The following TBXT variants were observed in gnomAD, a reference collection of about 807,000 sequenced individuals.
TBXT encodes the protein T brachyury transcription factor.
Under a neutral mutation model 41.1 loss-of-function variants are expected in TBXT, and 19 were observed. The observed-to-expected ratio is 0.46, with a 90% CI of 0.32 to 0.68. TBXT has a LOEUF of 0.68. TBXT is among the 30% of genes least tolerant of loss of function. The pLI is 0.03. For missense variants in TBXT, 536 were observed against 582.0 expected (o/e 0.92, Z 0.81); for synonymous variants, 213 against 238.9 (o/e 0.89, Z 1.00).
intron 6 of TBXT, 32 bp downstream of exon 6, chr6:166,162,415 C>A: frequency 6.2e-7 from 1 of 1,613,760 alleles, no homozygotes. Flanking sequence ...AGCCACCCAC[C>A]AACCCCTGGC....
Position 166,165,784 on chromosome 6 carries a change from C to T in TBXT, c.528G>A (p.Gly176=). Residue 176 remains glycine (G), a synonymous_variant, in exon 3 of 8, where the codon GGG becomes GGA. Transcript: ENST00000366876. ...YEPRIHIVRV[G]GPQRMITSHC... is the part of the protein sequence containing the mutation. ...GGCTGGTGATCATGCGCTGTGGACC[C>T]CCAACTCTCACTATGTGGATTCGAG... 6.2e-7 allele frequency: 1 copy of T among 1,614,134 alleles called. No homozygotes were observed. Among genetic ancestry groups the T allele is most frequent in the Middle Eastern group, 1.7e-4 (1 of 6,058 alleles).
chr6:166,165,341 C>CA (rs1246933969), intron 3 of TBXT, among the ~76,000 whole-genome samples: 1 of 152,034 alleles, frequency 6.6e-6, no homozygotes. Flanking sequence ...GGGTTGCCCC[C>CA]CCACCCTTTG....
intron 3 of TBXT, 77 bp downstream of exon 3, chr6:166,165,629 G>C (rs558420166): frequency 5.0e-6 from 8 of 1,609,820 alleles, no homozygotes; most frequent in Non-Finnish European, 6.8e-6. Context: ...GCGTCTCCCC[G>C]CTCCTCCAGA....
rs768845167 is a variant in TBXT, at chr6:166,162,495, G to A, written c.859C>T (p.Arg287Trp). The change falls in exon 6 of 8, where the codon CGG (arginine) becomes TGG (tryptophan). Residue 287 changes from arginine (R) to tryptophan (W), a missense_variant. By Grantham distance (101) the Arg-to-Trp change is moderately radical (BLOSUM62 -3). Coordinates refer to ENST00000366876, the MANE Select transcript of TBXT (RefSeq NM_001366285.2). ...CDRYPTLRSHRSSPYPSPYAH... is the reference protein window; with the variant it reads ...CDRYPTLRSHWSSPYPSPYAH... The stretch of plus-strand genomic sequence containing the variant: ...TAGGGGCTGGGGTAGGGTGAGGACC[G>A]GTGGCTCCTCAGGGTTGGGTACCTG... 26 of 1,614,044 alleles carry A rather than the reference G, an allele frequency of 1.6e-5. No individual in the cohort carries two copies. Among genetic ancestry groups the A allele is most frequent in the Middle Eastern group, 1.6e-4 (1 of 6,084 alleles).
rs1321547376 is a variant in TBXT at position 166,158,440 on chromosome 6, A to G, written c.1186T>C (p.Ser396Pro). Residue 396 changes from serine to proline, a missense_variant, in exon 8 of 8, where the codon TCC becomes CCC. Coordinates refer to ENST00000366876, the MANE Select transcript of TBXT (RefSeq NM_001366285.2). ...CCTTCGTACAGTGGGGATCCCGAGG[A>G]AGAGGGCGCCGAGACCGGATGGGTG... Reference protein sequence around the residue: ...PLTHPVSAPSSSGSPLYEGAA... With the variant: ...PLTHPVSAPSPSGSPLYEGAA... 6.2e-7 allele frequency: 1 copy of G among 1,614,026 alleles called. No homozygotes were observed. The highest frequency in any genetic ancestry group is 8.5e-7 in the Non-Finnish European group (1 of 1,180,020).
At chr6:166,161,053 C>A in intron 6 of TBXT, 87 bp from the exon 7 acceptor site, 1 of 1,535,306 alleles carries the variant, frequency 6.5e-7, no homozygotes, top group Non-Finnish European at 9.0e-7. Flanking sequence ...ATAACTGAAG[C>A]TACGTAACAC....
chr6:166,167,839 A>G lies in TBXT; in HGVS notation c.-248T>C. 6.9e-6 allele frequency: 4 copies of G among 582,002 alleles called. No homozygotes were observed. In the South Asian group the frequency reaches 8.0e-5, roughly 12 times the overall value. 36.1% of individuals were successfully genotyped at this position (582,002 alleles called of 1,614,324 possible). ...CACTTGAACTCCCCAAGGCTCTACT[A>G]GTGTAGGTCTCTGGGGACCGAAATT... is the stretch of plus-strand genomic sequence containing the variant. On this transcript the variant is annotated 5_prime_UTR_variant, in exon 1 of 8. Coordinates refer to ENST00000366876, the MANE Select transcript of TBXT (RefSeq NM_001366285.2).
At chr6:166,161,111 A>G in intron 6 of TBXT, 145 bp from the exon 7 acceptor site, 3 of 1,139,580 alleles carry the variant, frequency 2.6e-6, no homozygotes, top group Non-Finnish European at 3.8e-6. Context: ...ACAATCCATT[A>G]GTCTATTTAC....
chr6:166,168,171 T>TGCCCCAGCCC (rs1219189929), upstream of TBXT, among the ~76,000 whole-genome samples: 58 of 134,870 alleles, frequency 4.3e-4, no homozygotes, highest in East Asian at 3.7e-3. Flanking sequence ...CGCCCCGGCC[T>TGCCCCAGCCC]GCCCCAGCCC....
rs1778849539 is a variant in TBXT, at chr6:166,158,404, C to G, written c.1222G>C (p.Ala408Pro). ...GSPLYEGAAA[A>P]TDIVDSQYDA... Reference sequence around the variant, plus strand: ...TACTGGCTGTCCACGATGTCTGTGGCCGCGGCCGCCCCTTCGTACAGTGGG... The same window carrying G: ...TACTGGCTGTCCACGATGTCTGTGGGCGCGGCCGCCCCTTCGTACAGTGGG... Residue 408 changes from alanine to proline, a missense_variant, in exon 8 of 8, where the codon GCC becomes CCC. Ala to Pro is a conservative substitution (Grantham distance 27). Transcript: ENST00000366876. The G allele has an allele frequency of 6.2e-7, 1 of 1,614,082 alleles. No homozygotes were observed. Among genetic ancestry groups the G allele is most frequent in the Non-Finnish European group, 8.5e-7 (1 of 1,180,046 alleles).
rs1779159762 is a variant in TBXT, at chr6:166,167,488, C to T, written c.104G>A (p.Gly35Asp). 3 of 1,610,792 alleles carry T rather than the reference C, an allele frequency of 1.9e-6. No homozygotes were observed. Among genetic ancestry groups the T allele is most frequent in the South Asian group, 1.1e-5 (1 of 91,058 alleles). The change falls in exon 1 of 8, where the codon GGC becomes GAC. Residue 35 changes from glycine to aspartate, a missense_variant. Gly to Asp is a moderately conservative substitution (Grantham distance 94, BLOSUM62 -1). Transcript: ENST00000366876. Reference protein sequence around the residue: ...ENELQAGSEKGDPTERELRVG... With the variant: ...ENELQAGSEKDDPTERELRVG... ...GCGCAGTTCGCGCTCTGTGGGGTCG[C>T]CCTTCTCGCTGCCCGCCTGCAGCTC...
rs1462255044 is a variant in TBXT at position 166,158,234 on chromosome 6, G to T, written c.*81C>A. The T allele has an allele frequency of 6.2e-7, 1 of 1,604,806 alleles. No homozygotes were observed. The highest frequency in any genetic ancestry group is 2.2e-5 in the East Asian group (1 of 44,856). On this transcript the variant is annotated 3_prime_UTR_variant, in exon 8 of 8. Coordinates refer to ENST00000366876, the MANE Select transcript of TBXT (RefSeq NM_001366285.2). ...CTTCTTAACCTGAGACTGCCACTGG[G>T]TACCTAGTAGGTCAATCCAGTCACC...
intron 7 of TBXT, 95 bp from the exon 8 acceptor site, chr6:166,158,683 T>C: frequency 7.4e-7 from 1 of 1,352,920 alleles, no homozygotes. Flanking sequence ...TCGGAGTGAC[T>C]GTGTAATATG....
At chr6:166,165,104 A>G (rs1482131662) in intron 3 of TBXT, among the ~76,000 whole-genome samples, 1 of 152,226 alleles carries the variant, frequency 6.6e-6, no homozygotes, top group South Asian at 2.1e-4. Context: ...TTAACCTACT[A>G]CTAACAATGT....
At chr6:166,165,940 G>GA (rs1353332138) in intron 2 of TBXT, 100 bp from the exon 3 acceptor site, 2 of 1,565,570 alleles carry the variant, frequency 1.3e-6, no homozygotes, top group Non-Finnish European at 1.7e-6. Context: ...TGGATCCCAA[G>GA]AAAGTGTCTC....
intron 2 of TBXT, 90 bp downstream of exon 2, chr6:166,166,502 A>T (rs942335891): frequency 1.3e-6 from 2 of 1,599,630 alleles, no homozygotes; most frequent in Non-Finnish European, 1.7e-6. Flanking sequence ...CTCCCGTTCA[A>T]GCAGCGTCCC....
At position 166,167,582 on chromosome 6, in the gene TBXT, G is replaced by C. The variant is rs1283158104; in HGVS notation, c.10C>G (p.Pro4Ala). Residue 4 changes from proline (P) to alanine (A), a missense_variant, in exon 1 of 8, where the codon CCT becomes GCT. Transcript: ENST00000366876. ...CTCTTTCCCGCGCTCTCGGTGCCAG[G>C]GGAGCTCATCCTCCCGTCCGGCTCC... is the stretch of plus-strand genomic sequence containing the variant. MSSPGTESAGKSLQ... is the reference protein window; with the variant it reads MSSAGTESAGKSLQ... 2 of 1,561,606 alleles carry C rather than the reference G, an allele frequency of 1.3e-6. No individual in the cohort carries two copies. The highest frequency in any genetic ancestry group is 3.7e-5 in the Admixed American group (2 of 54,274).
At chr6:166,159,228 C>T (rs1778880715) in intron 7 of TBXT, among the ~76,000 whole-genome samples, 1 of 152,216 alleles carries the variant, frequency 6.6e-6, no homozygotes, top group Non-Finnish European at 1.5e-5. Flanking sequence ...CACTCTCATT[C>T]AGAATAAAAC....
upstream of TBXT, chr6:166,168,263 C>G (rs3099265): frequency 0.66 from 100,478 of 151,572 alleles, 34,174 homozygotes; most frequent in African/African-American, 0.83. Context: ...GCGGGGTCCT[C>G]CTCGCTTTCC....
Sources: allele counts gnomAD v4.1 joint callset (sites outside exome capture counted in the v4.1 genomes callset), GRCh38; gene constraint gnomAD v4.1.1; transcripts MANE v1.5; gene names NCBI Gene and HGNC (gene_info 2026-07-23, HGNC 2026-07-21).